ITGB8: variants seen among roughly 807,000 people sequenced by gnomAD.
ITGB8 encodes the protein integrin subunit beta 8, also known as integrin beta-8.
A neutral mutation model predicts 89.5 loss-of-function variants in ITGB8; 30 were observed. That is an observed-to-expected ratio of 0.34 (90% CI 0.25 to 0.45). The LOEUF is 0.45. Among genes scored for constraint, ITGB8 ranks in the 20% least tolerant of loss-of-function variants. The pLI, the probability that ITGB8 is intolerant of heterozygous loss-of-function variation, is 1.00. For synonymous variants in ITGB8, 335 were observed against 320.4 expected (o/e 1.05, Z -0.49); for missense variants, 836 against 933.3 (o/e 0.90, Z 1.36).
intron 1 of ITGB8, among the ~76,000 whole-genome samples, chr7:20,333,376 G>A (rs1453729802): frequency 6.6e-6 from 1 of 152,094 alleles, no homozygotes; most frequent in Non-Finnish European, 1.5e-5. Context: ...GAAGAAACAT[G>A]CATTTGTTGC....
chr7:20,391,520 T>G, intron 7 of ITGB8, 22 bp downstream of exon 7: 1 of 1,321,222 alleles, frequency 7.6e-7, no homozygotes. Flanking sequence ...CTGAAAATGT[T>G]AAAATTAAAT....
At position 20,411,107 on chromosome 7, in the gene ITGB8, A is replaced by C. The variant is rs1031323007; in HGVS notation, c.*1110A>C. ...AACCCTTCTTGCCAGAATTCATAAA[A>C]GTACAAAATTGGAGAATAGATGATA... On this transcript the variant is annotated 3_prime_UTR_variant, in exon 14 of 14. Transcript: ENST00000222573. 6.6e-6 allele frequency: 1 copy of C among 151,958 alleles called. No homozygotes were observed. Among genetic ancestry groups the C allele is most frequent in the Non-Finnish European group, 1.5e-5 (1 of 68,120 alleles). The allele number at this position is 151,958 out of a possible 1,614,324, so 9.4% of individuals were successfully genotyped here. A position where few individuals can be genotyped will look rare whatever the true frequency, so the allele number is the denominator to read the frequency against.
At chr7:20,353,216 G>C (rs1395105863) in intron 1 of ITGB8, 1 of 152,168 alleles carries the variant, frequency 6.6e-6, no homozygotes, top group Admixed American at 6.5e-5. Context: ...ATGCTTGTTT[G>C]TTTTTCTTTT....
rs1332604179 is a variant in ITGB8, at chr7:20,387,678, T to C, written c.961-3725T>C. 3.3e-5 allele frequency among the ~76,000 whole-genome samples: 5 copies of C among 152,186 alleles called. No individual in the cohort carries two copies. In the East Asian group the frequency reaches 9.6e-4, roughly 29 times the overall value. On this transcript the variant is annotated intron_variant, in intron 6 of 13. Coordinates refer to ENST00000222573, the MANE Select transcript of ITGB8 (RefSeq NM_002214.3). The stretch of plus-strand genomic sequence containing the variant: ...CTGTTGTGTTGAGACCAGGGTGCTG[T>C]TAAACATCCTACAATGCACAGGACA...
intron 1 of ITGB8, among the ~76,000 whole-genome samples, chr7:20,340,590 G>A (rs1414257719): frequency 6.6e-6 from 1 of 152,196 alleles, no homozygotes; most frequent in Non-Finnish European, 1.5e-5. Context: ...AGTAAATGAA[G>A]CCACAGTTAA....
intron 2 of ITGB8, 151 bp from the exon 3 acceptor site, chr7:20,366,861 T>C: frequency 1.8e-6 from 1 of 569,104 alleles, no homozygotes; most frequent in Non-Finnish European, 3.0e-6. Context: ...GATTTTTGCT[T>C]GTGTTTTTCT....
intron 1 of ITGB8, chr7:20,346,612 T>A (rs768905769): frequency 1.2e-4 from 77 of 646,670 alleles, no homozygotes; most frequent in Non-Finnish European, 1.5e-4. Flanking sequence ...AGAGACAAGG[T>A]CTGAGGAAGC....
At chr7:20,355,303 A>C (rs551339584) in intron 1 of ITGB8, among the ~76,000 whole-genome samples, 10 of 152,250 alleles carry the variant, frequency 6.6e-5, no homozygotes, top group African/African-American at 2.2e-4. Context: ...CCACACTCCC[A>C]TTGCACCAAC....
chr7:20,369,065 G>T (rs1785823779), intron 3 of ITGB8, among the ~76,000 whole-genome samples: 1 of 152,082 alleles, frequency 6.6e-6, no homozygotes. Flanking sequence ...GTTCACACCT[G>T]AATTTAAGAG....
chr7:20,344,265 A>G (rs75951061), intron 1 of ITGB8, among the ~76,000 whole-genome samples: 17,314 of 149,628 alleles, frequency 0.12, 1,096 homozygotes, highest in East Asian at 0.35. Flanking sequence ...CGTCTTTTCT[A>G]AAGATTGATA....
intron 1 of ITGB8, among the ~76,000 whole-genome samples, chr7:20,359,784 T>A (rs932287189): frequency 1.3e-5 from 2 of 152,190 alleles, no homozygotes; most frequent in Non-Finnish European, 2.9e-5. Context: ...ATTGTTGATA[T>A]TGGTATATTT....
At chr7:20,334,954 A>G (rs970434750) in intron 1 of ITGB8, among the ~76,000 whole-genome samples, 1 of 152,186 alleles carries the variant, frequency 6.6e-6, no homozygotes, top group Non-Finnish European at 1.5e-5. Flanking sequence ...AACATGGTAT[A>G]ATGGAAATTT....
At chr7:20,342,242 C>T (rs1446201599) in intron 1 of ITGB8, among the ~76,000 whole-genome samples, 1 of 152,340 alleles carries the variant, frequency 6.6e-6, no homozygotes, top group East Asian at 1.9e-4. Context: ...GACCCACTAA[C>T]TGGTCAGTCC....
chr7:20,352,990 G>A (rs916782524), intron 1 of ITGB8: 1 of 152,178 alleles, frequency 6.6e-6, no homozygotes, highest in African/African-American at 2.4e-5. Flanking sequence ...CATCTGACTG[G>A]GCTTCTTGTG....
chr7:20,410,434 C>T lies in ITGB8; in HGVS notation c.*437C>T, dbSNP rs1386430032. On this transcript the variant is annotated 3_prime_UTR_variant, in exon 14 of 14. Coordinates refer to ENST00000222573, the MANE Select transcript of ITGB8 (RefSeq NM_002214.3). Reference sequence around the variant, plus strand: ...AAAAAAATAATCTGGCAAGTATATTCTAAGGTTGCCAAACACTTCAACAGT... The same window carrying T: ...AAAAAAATAATCTGGCAAGTATATTTTAAGGTTGCCAAACACTTCAACAGT... The T allele has an allele frequency of 6.3e-6, 1 of 158,586 alleles. No individual in the cohort carries two copies. Among genetic ancestry groups the T allele is most frequent in the African/African-American group, 2.4e-5 (1 of 41,510 alleles). 9.8% of individuals were successfully genotyped at this position (158,586 alleles called of 1,614,324 possible).
Position 20,353,749 on chromosome 7 carries a change from C to T in ITGB8, c.128-9888C>T, listed in dbSNP as rs945617021. Reference sequence around the variant, plus strand: ...GAGATCGAGACCATCCTGGCTAACACGGTGAAACCCCGTCTCTACTAAAAA... The same window carrying T: ...GAGATCGAGACCATCCTGGCTAACATGGTGAAACCCCGTCTCTACTAAAAA... On this transcript the variant is annotated intron_variant, in intron 1 of 13. Transcript: ENST00000222573. 1.6e-4 allele frequency among the ~76,000 whole-genome samples: 23 copies of T among 147,636 alleles called. 1 individual carries two copies. Among genetic ancestry groups the T allele is most frequent in the Middle Eastern group, 3.4e-3 (1 of 290 alleles).
chr7:20,339,191 GAAA>G (rs11296776), intron 1 of ITGB8, among the ~76,000 whole-genome samples: 7 of 107,720 alleles, frequency 6.5e-5, no homozygotes, highest in African/African-American at 7.0e-5. Flanking sequence ...ACTCCATCTC[GAAA>G]AAAAAAAAAA....
intron 9 of ITGB8, among the ~76,000 whole-genome samples, chr7:20,400,579 G>A (rs535229054): frequency 9.9e-5 from 15 of 152,212 alleles, no homozygotes; most frequent in African/African-American, 2.9e-4. Context: ...TCAATCCAAC[G>A]TGAAAGAAAT....
intron 1 of ITGB8, among the ~76,000 whole-genome samples, chr7:20,337,267 A>T (rs181656802): frequency 1.1e-4 from 16 of 152,220 alleles, no homozygotes; most frequent in Non-Finnish European, 1.8e-4. Context: ...ATTTGTAGTC[A>T]TTTTCAACTA....
Sources: gnomAD v4.1 joint callset for allele counts (sites outside exome capture counted in the v4.1 genomes callset) on GRCh38, gnomAD v4.1.1 for gene constraint, MANE v1.5 for transcripts, NCBI Gene and HGNC (gene_info 2026-07-23, HGNC 2026-07-21) for gene names.